Variants in NELL1 observed in about 807,000 individuals in gnomAD.
NELL1 encodes the protein protein kinase C-binding protein NELL1.
A neutral mutation model predicts 107.4 loss-of-function variants in NELL1; 76 were observed. The ratio of observed to expected loss-of-function variants is 0.71; its 90% CI spans 0.59 to 0.86. NELL1 has a LOEUF of 0.86. NELL1 is among the 40% of genes least tolerant of loss of function. NELL1 has a pLI of 0.00. For synonymous variants in NELL1, 353 were observed against 341.2 expected (o/e 1.03, Z -0.38); for missense variants, 1,024 against 1,005.5 (o/e 1.02, Z -0.25).
At chr11:20,855,558 C>A (rs983194773) in intron 4 of NELL1, among the ~76,000 whole-genome samples, 2 of 152,006 alleles carry the variant, frequency 1.3e-5, no homozygotes, top group African/African-American at 4.8e-5. Flanking sequence ...ATTACATGGA[C>A]ATGGGTCTAT....
intron 12 of NELL1, among the ~76,000 whole-genome samples, chr11:21,073,263 T>C (rs1214879509): frequency 6.6e-6 from 1 of 152,122 alleles, no homozygotes; most frequent in Non-Finnish European, 1.5e-5. Context: ...GGGATCCATC[T>C]AGAGTCTCAG....
At chr11:20,790,968 T>C (rs914473607) in intron 3 of NELL1, among the ~76,000 whole-genome samples, 1 of 152,244 alleles carries the variant, frequency 6.6e-6, no homozygotes, top group South Asian at 2.1e-4. Context: ...ATGGAAGTGC[T>C]GTTTGATTAT....
chr11:21,264,615 T>C (rs1053028836), intron 14 of NELL1, among the ~76,000 whole-genome samples: 1 of 152,094 alleles, frequency 6.6e-6, no homozygotes, highest in East Asian at 1.9e-4. Context: ...AACCTTACTA[T>C]AGGAATTGGG....
At chr11:20,888,150 C>G (rs567587725) in intron 5 of NELL1, among the ~76,000 whole-genome samples, 1 of 151,932 alleles carries the variant, frequency 6.6e-6, no homozygotes, top group East Asian at 1.9e-4. Flanking sequence ...CTCAGTGAAC[C>G]TGCTAAACAG....
chr11:20,691,328 G>A (rs1185968067), intron 2 of NELL1, among the ~76,000 whole-genome samples: 8 of 151,110 alleles, frequency 5.3e-5, no homozygotes, highest in Non-Finnish European at 1.0e-4. Context: ...ATGTTGAATA[G>A]GAGTGGTGAG....
intron 14 of NELL1, among the ~76,000 whole-genome samples, chr11:21,345,358 C>T (rs1850661475): frequency 6.6e-6 from 1 of 152,180 alleles, no homozygotes; most frequent in Non-Finnish European, 1.5e-5. Flanking sequence ...TACCCTATCC[C>T]CACCTTCTGA....
intron 16 of NELL1, among the ~76,000 whole-genome samples, chr11:21,556,057 G>A (rs769129817): frequency 2.6e-5 from 4 of 151,834 alleles, no homozygotes; most frequent in African/African-American, 7.3e-5. Flanking sequence ...TTTTGCTAAC[G>A]TGTAGTGTGT....
chr11:21,511,718 C>T (rs528162776), intron 15 of NELL1, among the ~76,000 whole-genome samples: 2 of 152,114 alleles, frequency 1.3e-5, no homozygotes, highest in Non-Finnish European at 2.9e-5. Context: ...TGCAAAGGCT[C>T]ATGCAAAGGC....
At chr11:21,493,015 A>T (rs568322461) in intron 15 of NELL1, among the ~76,000 whole-genome samples, 60 of 152,272 alleles carry the variant, frequency 3.9e-4, no homozygotes, top group Admixed American at 3.4e-3. Context: ...ATGAAATGAA[A>T]ATCAAAATCA....
At chr11:21,272,162 G>T (rs1848752914) in intron 14 of NELL1, among the ~76,000 whole-genome samples, 1 of 152,206 alleles carries the variant, frequency 6.6e-6, no homozygotes, top group African/African-American at 2.4e-5. Context: ...GTCAAAGAAA[G>T]GGGTGACAGA....
At chr11:20,929,693 C>T (rs1850576737) in intron 9 of NELL1, among the ~76,000 whole-genome samples, 1 of 151,964 alleles carries the variant, frequency 6.6e-6, no homozygotes, top group African/African-American at 2.4e-5. Flanking sequence ...TATTAGGGGC[C>T]AAGCACAGTG....
chr11:21,414,905 T>G (rs752587647), intron 15 of NELL1, among the ~76,000 whole-genome samples: 1 of 152,086 alleles, frequency 6.6e-6, no homozygotes, highest in Non-Finnish European at 1.5e-5. Context: ...GGACAATTTC[T>G]ATCTCCTTTG....
chr11:20,817,980 C>T (rs1045832556), intron 3 of NELL1, among the ~76,000 whole-genome samples: 6 of 151,822 alleles, frequency 4.0e-5, no homozygotes, highest in African/African-American at 1.5e-4. Context: ...CCGAGAGTAT[C>T]ATTGGTATGA....
intron 13 of NELL1, among the ~76,000 whole-genome samples, chr11:21,153,488 A>C (rs764861770): frequency 1.3e-5 from 2 of 152,180 alleles, no homozygotes; most frequent in Non-Finnish European, 2.9e-5. Flanking sequence ...TGTACTAGGC[A>C]CTGGGGATGC....
intron 14 of NELL1, among the ~76,000 whole-genome samples, chr11:21,347,925 T>G (rs574598262): frequency 2.6e-5 from 4 of 152,118 alleles, no homozygotes; most frequent in African/African-American, 9.6e-5. Flanking sequence ...TGATTTGAAG[T>G]AAGTAGTTCA....
At chr11:21,468,465 A>G (rs1270550729) in intron 15 of NELL1, among the ~76,000 whole-genome samples, 1 of 152,068 alleles carries the variant, frequency 6.6e-6, no homozygotes, top group African/African-American at 2.4e-5. Flanking sequence ...CAATAAAAAG[A>G]CTTTAAAATT....
At chr11:21,319,517 T>TATATATATATA (rs1565165681) in intron 14 of NELL1, among the ~76,000 whole-genome samples, 4 of 145,126 alleles carry the variant, frequency 2.8e-5, no homozygotes, top group South Asian at 2.2e-4. Context: ...TATATATATA[T>TATATATATATA]TTTTAGTAGA....
intron 14 of NELL1, among the ~76,000 whole-genome samples, chr11:21,344,211 A>G (rs1850636242): frequency 1.3e-5 from 2 of 152,180 alleles, no homozygotes; most frequent in African/African-American, 4.8e-5. Context: ...TGTTTATTGA[A>G]AGCTGTGTAA....
At chr11:20,990,158 G>C (rs944363882) in intron 12 of NELL1, among the ~76,000 whole-genome samples, 7 of 152,084 alleles carry the variant, frequency 4.6e-5, no homozygotes, top group African/African-American at 1.7e-4. Context: ...CCTTGCCTTG[G>C]GCCTGCAAAT....
Sources: allele counts gnomAD v4.1 joint callset (sites outside exome capture counted in the v4.1 genomes callset), GRCh38; gene constraint gnomAD v4.1.1; transcripts MANE v1.5; gene names NCBI Gene and HGNC (gene_info 2026-07-23, HGNC 2026-07-21).